Variants in SDHAF3 observed in about 807,000 individuals in gnomAD.
SDHAF3 encodes the protein succinate dehydrogenase assembly factor 3, mitochondrial.
In SDHAF3, 18 loss-of-function variants were observed where a neutral mutation model predicts 11.5. The observed-to-expected ratio is 1.56, with a 90% CI of 1.08 to 2.32. The LOEUF is 2.32. SDHAF3 is among the 30% of genes most tolerant of loss of function. SDHAF3 has a pLI of 0.00. For synonymous variants in SDHAF3, 72 were observed against 59.3 expected, an observed-to-expected ratio of 1.21 and a Z score of -0.99; for missense variants, 200 against 154.4, an observed-to-expected ratio of 1.30 and a Z score of -1.57.
At chr7:97,176,518 A>G (rs188862572) in intron 1 of SDHAF3, among the ~76,000 whole-genome samples, 10 of 152,144 alleles carry the variant, frequency 6.6e-5, no homozygotes, top group Non-Finnish European at 7.4e-5. Context: ...GCTTCTTCCT[A>G]TATCTGGAAA....
chr7:97,170,100 T>TG (rs902012412), intron 1 of SDHAF3, among the ~76,000 whole-genome samples: 14 of 148,764 alleles, frequency 9.4e-5, no homozygotes, highest in Non-Finnish European at 1.6e-4. Context: ...GCTAGTTCGT[T>TG]TTTTTTTTTT....
intron 1 of SDHAF3, among the ~76,000 whole-genome samples, chr7:97,154,461 G>A (rs1242262061): frequency 6.6e-6 from 1 of 151,838 alleles, no homozygotes; most frequent in Non-Finnish European, 1.5e-5. Context: ...CATTTATTTT[G>A]CCCATTTTCC....
rs111533031 is a variant in SDHAF3 at position 97,128,505 on chromosome 7, G to C, written c.174+10608G>C. On this transcript the variant is annotated intron_variant, in intron 1 of 1. Transcript: ENST00000432641. ...TTATTTAAATGATTCAAAATTTTCA[G>C]ATTTAAAATAATGGTAATAGCATGA... Among the ~76,000 whole-genome samples the C allele has an allele frequency of 1.8e-4, 27 of 152,160 alleles. 1 individual carries two copies. The highest frequency in any genetic ancestry group is 5.8e-4 in the African/African-American group (24 of 41,528).
intron 1 of SDHAF3, among the ~76,000 whole-genome samples, chr7:97,138,525 T>C (rs531126111): frequency 1.4e-4 from 22 of 152,296 alleles, no homozygotes; most frequent in African/African-American, 5.3e-4. Flanking sequence ...TATACCCATA[T>C]GAGAGATTAC....
chr7:97,180,534 C>T lies in SDHAF3; in HGVS notation c.175-478C>T, dbSNP rs1789753581. ...GACAGGACCTGTACCCAAACTTGAGCATCATGCAGTTATTCCCATCTAACA... is the reference window on the plus strand; with the variant it reads ...GACAGGACCTGTACCCAAACTTGAGTATCATGCAGTTATTCCCATCTAACA... On this transcript the variant is annotated intron_variant, in intron 1 of 1. Coordinates refer to ENST00000432641, the MANE Select transcript of SDHAF3 (RefSeq NM_020186.3). Among the ~76,000 whole-genome samples the T allele has an allele frequency of 1.3e-5, 2 of 152,110 alleles. 1 individual carries two copies. The highest frequency in any genetic ancestry group is 4.2e-4 in the South Asian group (2 of 4,818).
At chr7:97,136,331 G>A (rs964493279) in intron 1 of SDHAF3, 24 of 527,642 alleles carry the variant, frequency 4.5e-5, no homozygotes, top group Non-Finnish European at 7.6e-5. Flanking sequence ...TTATCAACCT[G>A]TAATTTGTTT....
At chr7:97,169,846 A>G (rs1294401238) in intron 1 of SDHAF3, among the ~76,000 whole-genome samples, 1 of 152,096 alleles carries the variant, frequency 6.6e-6, no homozygotes, top group Admixed American at 6.6e-5. Context: ...GTTGTTTTTG[A>G]TGACTAATAT....
intron 1 of SDHAF3, among the ~76,000 whole-genome samples, chr7:97,143,536 T>C (rs1789089547): frequency 6.6e-6 from 1 of 152,134 alleles, no homozygotes; most frequent in African/African-American, 2.4e-5. Flanking sequence ...CTCCCACATA[T>C]CAGTGAGAAC....
At chr7:97,151,378 G>A (rs1443257932) in intron 1 of SDHAF3, among the ~76,000 whole-genome samples, 1 of 152,084 alleles carries the variant, frequency 6.6e-6, no homozygotes, top group African/African-American at 2.4e-5. Flanking sequence ...GACAGGCTTT[G>A]GGAGGGTGAG....
intron 1 of SDHAF3, among the ~76,000 whole-genome samples, chr7:97,171,908 A>G (rs529753838): frequency 6.6e-6 from 1 of 152,254 alleles, no homozygotes; most frequent in South Asian, 2.1e-4. Context: ...TTCAAATTAT[A>G]TTAATTACAA....
intron 1 of SDHAF3, among the ~76,000 whole-genome samples, chr7:97,138,307 C>T (rs1788963286): frequency 6.6e-6 from 1 of 152,000 alleles, no homozygotes; most frequent in African/African-American, 2.4e-5. Context: ...TTACAGGTGC[C>T]TGCCACCACA....
chr7:97,149,561 G>T (rs1194657508), intron 1 of SDHAF3, among the ~76,000 whole-genome samples: 2 of 152,174 alleles, frequency 1.3e-5, no homozygotes, highest in African/African-American at 4.8e-5. Flanking sequence ...GTTTCCCAAT[G>T]CATATAAAAG....
intron 1 of SDHAF3, among the ~76,000 whole-genome samples, chr7:97,167,513 A>G (rs1451134479): frequency 6.6e-6 from 1 of 152,206 alleles, no homozygotes; most frequent in Admixed American, 6.5e-5. Context: ...CCTGCTGCCT[A>G]GACAGAGCCA....
chr7:97,170,651 C>T (rs902738108), intron 1 of SDHAF3, among the ~76,000 whole-genome samples: 1 of 152,076 alleles, frequency 6.6e-6, no homozygotes, highest in Admixed American at 6.6e-5. Flanking sequence ...GAACTTTCTA[C>T]GTTCTTGCTT....
chr7:97,117,986 C>CA (rs1791434244), intron 1 of SDHAF3, 89 bp downstream of exon 1: 2 of 1,473,814 alleles, frequency 1.4e-6, no homozygotes, highest in Non-Finnish European at 1.9e-6. Context: ...CGGGGTTAAA[C>CA]AGAGCAGCAA....
intron 1 of SDHAF3, among the ~76,000 whole-genome samples, chr7:97,155,998 G>C (rs961836056): frequency 6.6e-6 from 1 of 152,058 alleles, no homozygotes; most frequent in Admixed American, 6.5e-5. Flanking sequence ...TATGGTACGT[G>C]TGTCATAACT....
At chr7:97,130,993 G>C (rs1382366444) in intron 1 of SDHAF3, among the ~76,000 whole-genome samples, 1 of 152,194 alleles carries the variant, frequency 6.6e-6, no homozygotes, top group Non-Finnish European at 1.5e-5. Flanking sequence ...TCAGGCTCCA[G>C]GCTGTTTTTG....
intron 1 of SDHAF3, among the ~76,000 whole-genome samples, chr7:97,150,256 T>G (rs1255240413): frequency 6.6e-6 from 1 of 152,250 alleles, no homozygotes; most frequent in East Asian, 1.9e-4. Flanking sequence ...TAGTTTGATC[T>G]GCTCCCATGA....
chr7:97,169,565 G>C lies in SDHAF3; in HGVS notation c.175-11447G>C, dbSNP rs373241527. Among the ~76,000 whole-genome samples the C allele has an allele frequency of 5.3e-5, 8 of 151,934 alleles. No individual in the cohort carries two copies. In the East Asian group the frequency reaches 1.4e-3, roughly 26 times the overall value. ...ACTAATTTTATTTTCTCAATAAATTGGTGATTTTCTAAACAGATTACATCA... is the reference window on the plus strand; with the variant it reads ...ACTAATTTTATTTTCTCAATAAATTCGTGATTTTCTAAACAGATTACATCA... On this transcript the variant is annotated intron_variant, in intron 1 of 1. Coordinates refer to ENST00000432641, the MANE Select transcript of SDHAF3 (RefSeq NM_020186.3).
Sources: allele counts gnomAD v4.1 joint callset (sites outside exome capture counted in the v4.1 genomes callset), GRCh38; gene constraint gnomAD v4.1.1; transcripts MANE v1.5; gene names NCBI Gene and HGNC (gene_info 2026-07-23, HGNC 2026-07-21).